The following COBLL1 variants were observed in gnomAD, a reference collection of about 807,000 sequenced individuals.
COBLL1 encodes cordon-bleu protein-like 1.
A neutral mutation model predicts 94.8 loss-of-function variants in COBLL1; 50 were observed. The observed-to-expected ratio is 0.53, with a 90% CI of 0.42 to 0.67. The LOEUF is 0.67. Among genes scored for constraint, COBLL1 ranks in the 30% least tolerant of loss-of-function variants. The probability of loss-of-function intolerance (pLI) is 0.00; values close to 1 mark genes in which losing one functional copy is unlikely to be tolerated. For synonymous variants in COBLL1, 448 were observed against 473.8 expected, an observed-to-expected ratio of 0.95 and a Z score of 0.71; for missense variants, 1,362 against 1,348.7, an observed-to-expected ratio of 1.01 and a Z score of -0.15.
In COBLL1 at chr2:164,687,464, T is replaced by C. The variant is rs182227585; in HGVS notation, c.3301-1432A>G. On this transcript the variant is annotated intron_variant, in intron 13 of 13. Transcript: ENST00000652658. Reference sequence around the variant, plus strand: ...CAGCCAGAGAACTTGAACTTGGCCCTGTGCAGGGCCTCAATCACATGCTCC... The same window carrying C: ...CAGCCAGAGAACTTGAACTTGGCCCCGTGCAGGGCCTCAATCACATGCTCC... The C allele has an allele frequency of 4.4e-5, 63 of 1,430,906 alleles. No homozygotes were observed. The Admixed American group carries it at 5.7e-4, about 13-fold the overall frequency. The allele number at this position is 1,430,906 out of a possible 1,614,324, so 88.6% of individuals were successfully genotyped here.
intron 7 of COBLL1, among the ~76,000 whole-genome samples, chr2:164,712,361 A>T (rs559749342): frequency 2.1e-4 from 32 of 152,284 alleles, no homozygotes; most frequent in African/African-American, 7.5e-4. Context: ...TATGATTTTC[A>T]CAGGTGGAAA....
chr2:164,776,566 TG>T (rs1191407644), intron 2 of COBLL1, among the ~76,000 whole-genome samples: 2 of 140,092 alleles, frequency 1.4e-5, no homozygotes, highest in Non-Finnish European at 3.1e-5. Flanking sequence ...CATTTATCAC[TG>T]TTTTTTTTTA....
chr2:164,747,151 A>C (rs549221160), intron 2 of COBLL1, among the ~76,000 whole-genome samples: 10 of 152,316 alleles, frequency 6.6e-5, no homozygotes, highest in East Asian at 5.8e-4. Flanking sequence ...CCACCAAAAA[A>C]TAAAATGAGC....
intron 13 of COBLL1, chr2:164,687,568 A>T: frequency 3.3e-6 from 4 of 1,218,326 alleles, no homozygotes; most frequent in Non-Finnish European, 4.8e-6. Context: ...GGGTTTTCCA[A>T]AGGCACCTCG....
chr2:164,686,253 C>T (rs1001141013), intron 13 of COBLL1, among the ~76,000 whole-genome samples: 5 of 150,284 alleles, frequency 3.3e-5, no homozygotes, highest in Non-Finnish European at 7.4e-5. Flanking sequence ...AATCCATTAA[C>T]ACATCTTAAT....
intron 2 of COBLL1, among the ~76,000 whole-genome samples, chr2:164,835,654 T>C (rs10205572): frequency 0.21 from 31,487 of 152,156 alleles, 3,379 homozygotes; most frequent in Middle Eastern, 0.28. Context: ...TTTTATGCTA[T>C]GCATATTTTA....
At chr2:164,774,892 G>A (rs984818649) in intron 2 of COBLL1, among the ~76,000 whole-genome samples, 1 of 150,864 alleles carries the variant, frequency 6.6e-6, no homozygotes, top group Non-Finnish European at 1.5e-5. Context: ...GTAACCATGT[G>A]AGGAGATACA....
At chr2:164,759,631 C>T (rs1351257602) in intron 2 of COBLL1, among the ~76,000 whole-genome samples, 1 of 152,002 alleles carries the variant, frequency 6.6e-6, no homozygotes, top group Non-Finnish European at 1.5e-5. Flanking sequence ...AAAACGCAAG[C>T]CACAGACTGG....
chr2:164,747,286 A>G (rs1270644707), intron 2 of COBLL1, among the ~76,000 whole-genome samples: 3 of 152,182 alleles, frequency 2.0e-5, no homozygotes, highest in African/African-American at 7.2e-5. Context: ...ACAACTTTGT[A>G]ATTCTGGGGA....
chr2:164,828,954 T>C (rs1460316975), intron 2 of COBLL1, among the ~76,000 whole-genome samples: 8 of 152,184 alleles, frequency 5.3e-5, no homozygotes, highest in South Asian at 2.1e-4. Flanking sequence ...ATAACACTGA[T>C]TGCCTCTGTG....
chr2:164,731,068 G>C (rs1685985070), intron 3 of COBLL1, among the ~76,000 whole-genome samples: 1 of 152,146 alleles, frequency 6.6e-6, no homozygotes, highest in African/African-American at 2.4e-5. Context: ...GTCTGTTTTT[G>C]TAAATACAGT....
chr2:164,699,406 A>T lies in COBLL1; in HGVS notation c.1554T>A (p.Asn518Lys), dbSNP rs775536186. ...NLKSLGPNQE[N>K]VVQNEIIVYP... ...TGGCTATTAATTTATATAACTCACC[A>T]TTCTCTTGGTTTGGGCCCAACGACT... is the stretch of plus-strand genomic sequence containing the variant. The change falls in exon 11 of 14, where the codon AAT becomes AAA. Residue 518 changes from asparagine (N) to lysine (K), a missense_variant and splice_region_variant. Transcript: ENST00000652658. 26 of 1,593,194 alleles carry T rather than the reference A, an allele frequency of 1.6e-5. No individual in the cohort carries two copies. The highest frequency in any genetic ancestry group is 2.2e-5 in the Non-Finnish European group (25 of 1,161,302).
intron 2 of COBLL1, among the ~76,000 whole-genome samples, chr2:164,777,722 T>C (rs955550104): frequency 2.4e-4 from 36 of 152,110 alleles, no homozygotes; most frequent in African/African-American, 8.5e-4. Context: ...CAGGCATCAC[T>C]GAGGCACAAT....
At chr2:164,796,863 T>C (rs1011126273) in intron 2 of COBLL1, among the ~76,000 whole-genome samples, 1 of 151,988 alleles carries the variant, frequency 6.6e-6, no homozygotes, top group African/African-American at 2.4e-5. Flanking sequence ...TAGTCCTAGC[T>C]ACTAGGGAGG....
intron 2 of COBLL1, among the ~76,000 whole-genome samples, chr2:164,792,500 C>T (rs965496241): frequency 6.6e-6 from 1 of 152,036 alleles, no homozygotes; most frequent in Non-Finnish European, 1.5e-5. Flanking sequence ...ACAATAGGAT[C>T]ATGACTAAGA....
At chr2:164,790,822 C>A (rs355910) in intron 2 of COBLL1, among the ~76,000 whole-genome samples, 1 of 151,830 alleles carries the variant, frequency 6.6e-6, no homozygotes, top group African/African-American at 2.4e-5. Context: ...ACATAATACA[C>A]CATTGATCGC....
chr2:164,819,733 G>A lies in COBLL1; in HGVS notation c.41+21423C>T, dbSNP rs553676417. On this transcript the variant is annotated intron_variant, in intron 2 of 13. Coordinates refer to ENST00000652658, the MANE Select transcript of COBLL1 (RefSeq NM_001365672.2). The stretch of plus-strand genomic sequence containing the variant: ...ATGCCCTTAGCTTTAAAAGCTGGGA[G>A]ATTTTTAAAATGTGTTTTTGTTTAG... Among the ~76,000 whole-genome samples the A allele has an allele frequency of 2.6e-5, 4 of 151,992 alleles. No individual in the cohort carries two copies. The East Asian group carries it at 7.7e-4, about 29-fold the overall frequency.
intron 2 of COBLL1, among the ~76,000 whole-genome samples, chr2:164,786,199 T>C (rs114365982): frequency 5.3e-5 from 8 of 152,094 alleles, no homozygotes; most frequent in Admixed American, 2.0e-4. Flanking sequence ...CTGTTTGGAG[T>C]CTTTTCTGAC....
chr2:164,695,077 T>C lies in COBLL1; in HGVS notation c.2315A>G (p.Asn772Ser), dbSNP rs771003874. The C allele has an allele frequency of 3.1e-6, 5 of 1,613,934 alleles. No homozygotes were observed. Among genetic ancestry groups the C allele is most frequent in the South Asian group, 1.1e-5 (1 of 91,076 alleles). The stretch of plus-strand genomic sequence containing the variant: ...TGTTTGGATGGCAGTTTCTTTCACA[T>C]TCTCATGAGTGTGCTTTTTCCCTAA... ...HALGKKHTHE[N>S]VKETAIQTED... Residue 772 changes from asparagine (N) to serine (S), a missense_variant, in exon 12 of 14, where the codon AAT (asparagine) becomes AGT (serine). Asn to Ser is a conservative substitution (Grantham distance 46). Transcript: ENST00000652658.
Sources: gnomAD v4.1 joint callset for allele counts (sites outside exome capture counted in the v4.1 genomes callset) on GRCh38, gnomAD v4.1.1 for gene constraint, MANE v1.5 for transcripts, NCBI Gene and HGNC (gene_info 2026-07-23, HGNC 2026-07-21) for gene names.